The following ITPR2 variants were observed in gnomAD, a reference collection of about 807,000 sequenced individuals.
ITPR2 encodes the protein inositol 1,4,5-trisphosphate receptor type 2.
In ITPR2, 207 loss-of-function variants were observed where a neutral mutation model predicts 317.1. That is an observed-to-expected ratio of 0.65 (90% CI 0.58 to 0.73). The LOEUF is 0.73. Ranked by LOEUF, ITPR2 falls within the 30% of genes least tolerant of loss-of-function variation. The pLI is 0.00. For synonymous variants in ITPR2, 1,156 were observed against 1,149.1 expected (o/e 1.01, Z -0.12); for missense variants, 2,613 against 3,284.0 (o/e 0.80, Z 4.99).
chr12:26,675,251 T>A (rs1947880419), intron 13 of ITPR2, among the ~76,000 whole-genome samples: 1 of 152,184 alleles, frequency 6.6e-6, no homozygotes, highest in South Asian at 2.1e-4. Flanking sequence ...TGCACATGCA[T>A]GTTTATTGCG....
chr12:26,799,874 G>A (rs1950523423), intron 1 of ITPR2, among the ~76,000 whole-genome samples: 1 of 152,180 alleles, frequency 6.6e-6, no homozygotes, highest in South Asian at 2.1e-4. Flanking sequence ...AGTGGTGGCT[G>A]AGCTGACCTT....
At chr12:26,682,437 C>T in intron 12 of ITPR2, 137 bp downstream of exon 12, 1 of 625,082 alleles carries the variant, frequency 1.6e-6, no homozygotes, top group Middle Eastern at 2.6e-4. Context: ...GACATGCATG[C>T]TTGATGAAAT....
At chr12:26,555,660 A>T (rs1944643775) in intron 36 of ITPR2, among the ~76,000 whole-genome samples, 1 of 152,226 alleles carries the variant, frequency 6.6e-6, no homozygotes, top group South Asian at 2.1e-4. Context: ...AAACATCAGT[A>T]AACGGAAGAG....
chr12:26,680,124 T>C (rs1020487402), intron 13 of ITPR2, among the ~76,000 whole-genome samples: 20 of 152,106 alleles, frequency 1.3e-4, no homozygotes, highest in African/African-American at 4.3e-4. Context: ...ATACTATACA[T>C]GTCTATTGAC....
intron 9 of ITPR2, among the ~76,000 whole-genome samples, chr12:26,702,750 C>T (rs1948472707): frequency 6.6e-6 from 1 of 152,158 alleles, no homozygotes; most frequent in African/African-American, 2.4e-5. Context: ...AAAATTAATC[C>T]GAATCCCTAA....
chr12:26,782,060 AGAGAGAGAGAGAGC>A (rs1950105215), intron 2 of ITPR2, among the ~76,000 whole-genome samples: 10 of 141,950 alleles, frequency 7.0e-5, no homozygotes, highest in African/African-American at 2.1e-4. Context: ...AGAGAGAGAG[AGAGAGAGAGAGAGC>A]GAGAGAGATC....
At chr12:26,455,155 G>A (rs1253030542) in intron 45 of ITPR2, among the ~76,000 whole-genome samples, 2 of 151,944 alleles carry the variant, frequency 1.3e-5, no homozygotes, top group Non-Finnish European at 2.9e-5. Flanking sequence ...AAATTAGCCA[G>A]ATGTAAAATC....
At chr12:26,351,409 C>T (rs185984283) in intron 55 of ITPR2, among the ~76,000 whole-genome samples, 5 of 152,326 alleles carry the variant, frequency 3.3e-5, no homozygotes, top group African/African-American at 2.4e-5. Context: ...CTCCCGGATC[C>T]CTATTGCTGT....
At chr12:26,344,194 T>C (rs999973866) in intron 55 of ITPR2, among the ~76,000 whole-genome samples, 5 of 152,228 alleles carry the variant, frequency 3.3e-5, no homozygotes, top group Admixed American at 2.0e-4. Context: ...TTCTGTTCAT[T>C]ATAAACCACC....
chr12:26,496,943 CAAA>C (rs572517736), intron 37 of ITPR2, among the ~76,000 whole-genome samples: 4 of 106,818 alleles, frequency 3.7e-5, no homozygotes, highest in Non-Finnish European at 3.7e-5. Flanking sequence ...GACTCCATCT[CAAA>C]AAAAAAAAAA....
intron 48 of ITPR2, among the ~76,000 whole-genome samples, chr12:26,430,276 C>G (rs1162204403): frequency 6.6e-6 from 1 of 152,174 alleles, no homozygotes; most frequent in East Asian, 1.9e-4. Context: ...GAAGACAGTA[C>G]AGATTTTCTT....
chr12:26,338,436 T>C lies in ITPR2; in HGVS notation c.*961A>G, dbSNP rs1937992005. ...AGCATACATAAAAACGCTCGGGTCC[T>C]GAAGCAATTCTTTAAGCACAGCAAA... On this transcript the variant is annotated 3_prime_UTR_variant, in exon 57 of 57. Transcript: ENST00000381340. 6.6e-6 allele frequency: 1 copy of C among 152,654 alleles called. No homozygotes were observed. The highest frequency in any genetic ancestry group is 1.5e-5 in the Non-Finnish European group (1 of 68,038). The allele number at this position is 152,654 out of a possible 1,614,324, so 9.5% of individuals were successfully genotyped here.
At chr12:26,800,378 T>C (rs1256570465) in intron 1 of ITPR2, among the ~76,000 whole-genome samples, 2 of 152,150 alleles carry the variant, frequency 1.3e-5, no homozygotes, top group Non-Finnish European at 2.9e-5. Flanking sequence ...ATTGTAATTA[T>C]CAACTAAAAA....
chr12:26,452,339 T>G (rs1056912709), intron 45 of ITPR2, among the ~76,000 whole-genome samples: 1 of 151,640 alleles, frequency 6.6e-6, no homozygotes, highest in Non-Finnish European at 1.5e-5. Context: ...AATGTTAACA[T>G]GTAGATACTC....
chr12:26,551,933 A>G (rs1944534481), intron 36 of ITPR2, among the ~76,000 whole-genome samples: 1 of 152,190 alleles, frequency 6.6e-6, no homozygotes, highest in African/African-American at 2.4e-5. Flanking sequence ...AAAATAGGGA[A>G]CCACTGTTCT....
intron 9 of ITPR2, among the ~76,000 whole-genome samples, chr12:26,710,564 C>G (rs1948627716): frequency 6.6e-6 from 1 of 152,216 alleles, no homozygotes; most frequent in Admixed American, 6.5e-5. Flanking sequence ...AATTAGATAA[C>G]CAAACTTTAA....
Position 26,602,474 on chromosome 12 carries a change from G to A in ITPR2, c.3574C>T (p.Leu1192Phe), listed in dbSNP as rs768511003. The change falls in exon 28 of 57, where the codon CTC (leucine) becomes TTC (phenylalanine). Residue 1192 changes from leucine (L) to phenylalanine (F), a missense_variant. Coordinates refer to ENST00000381340, the MANE Select transcript of ITPR2 (RefSeq NM_002223.4). ...CGACACTTTTTATTCTGCACACAGA[G>A]TTTACTTAGCCTGATCAAAATCTTT... ...VKEILIRLSKLCVQNKKCRNQ... is the reference protein window; with the variant it reads ...VKEILIRLSKFCVQNKKCRNQ... 18 of 1,613,184 alleles carry A rather than the reference G, an allele frequency of 1.1e-5. No homozygotes were observed. The highest frequency in any genetic ancestry group is 1.5e-5 in the Non-Finnish European group (18 of 1,179,460).
chr12:26,586,759 T>C (rs1945539627), intron 32 of ITPR2, among the ~76,000 whole-genome samples: 1 of 152,126 alleles, frequency 6.6e-6, no homozygotes, highest in African/African-American at 2.4e-5. Flanking sequence ...AAACAAAATA[T>C]ATAAAAACCA....
At chr12:26,672,227 C>T (rs1366114354) in intron 13 of ITPR2, among the ~76,000 whole-genome samples, 1 of 151,154 alleles carries the variant, frequency 6.6e-6, no homozygotes. Flanking sequence ...AACTCTCCAC[C>T]CCAAATCAAC....
Sources: allele counts gnomAD v4.1 joint callset (sites outside exome capture counted in the v4.1 genomes callset), GRCh38; gene constraint gnomAD v4.1.1; transcripts MANE v1.5; gene names NCBI Gene and HGNC (gene_info 2026-07-23, HGNC 2026-07-21).